FRMD4A: variants seen among roughly 807,000 people sequenced by gnomAD.
The protein encoded by FRMD4A is FERM domain-containing protein 4A.
A neutral mutation model predicts 129.1 loss-of-function variants in FRMD4A; 29 were observed. That is an observed-to-expected ratio of 0.22 (90% confidence interval 0.17 to 0.31). FRMD4A has a LOEUF of 0.31. Ranked by LOEUF, FRMD4A falls within the 10% of genes least tolerant of loss-of-function variation. FRMD4A has a pLI of 1.00. For missense variants in FRMD4A, 1,272 were observed against 1,375.8 expected, an observed-to-expected ratio of 0.92 and a Z score of 1.19; for synonymous variants, 634 against 571.6, an observed-to-expected ratio of 1.11 and a Z score of -1.56.
chr10:13,824,918 AGTAATCAAGAGATGATTT>A (rs2093679394), intron 3 of FRMD4A, among the ~76,000 whole-genome samples: 1 of 148,074 alleles, frequency 6.8e-6, no homozygotes, highest in Non-Finnish European at 1.5e-5. Flanking sequence ...AAAAAAAAAG[AGTAATCAAGAGATGATTT>A]CAAGTATACA....
At chr10:14,235,157 C>CTT (rs11349578) in intron 2 of FRMD4A, among the ~76,000 whole-genome samples, 4 of 149,648 alleles carry the variant, frequency 2.7e-5, no homozygotes, top group Non-Finnish European at 4.4e-5. Flanking sequence ...CCTAAGCTGT[C>CTT]TTTTTTTTTT....
chr10:13,815,184 C>G (rs139787446), intron 3 of FRMD4A, among the ~76,000 whole-genome samples: 252 of 152,290 alleles, frequency 1.7e-3, no homozygotes, highest in Non-Finnish European at 3.2e-3. Context: ...CACAGCCAAG[C>G]TGGGATTCAA....
At chr10:13,883,924 A>G (rs2094574556) in intron 2 of FRMD4A, among the ~76,000 whole-genome samples, 1 of 152,142 alleles carries the variant, frequency 6.6e-6, no homozygotes, top group Non-Finnish European at 1.5e-5. Context: ...TGCCTGTTTA[A>G]TCAGTCTCCA....
chr10:14,281,976 A>G (rs1466409818), intron 2 of FRMD4A, among the ~76,000 whole-genome samples: 2 of 152,174 alleles, frequency 1.3e-5, no homozygotes, highest in East Asian at 3.8e-4. Context: ...GATTTAATGG[A>G]CTCACAGTTA....
At chr10:14,140,390 A>G (rs778293072) in intron 2 of FRMD4A, among the ~76,000 whole-genome samples, 1 of 152,224 alleles carries the variant, frequency 6.6e-6, no homozygotes, top group Non-Finnish European at 1.5e-5. Flanking sequence ...CAAGGATTTC[A>G]GTACCTGCCA....
intron 3 of FRMD4A, among the ~76,000 whole-genome samples, chr10:13,816,438 A>G (rs1278654240): frequency 6.6e-6 from 1 of 152,230 alleles, no homozygotes; most frequent in Non-Finnish European, 1.5e-5. Context: ...TTTAAGTCAC[A>G]GAGACATTGG....
At chr10:13,998,415 AC>A (rs747799692) in intron 2 of FRMD4A, among the ~76,000 whole-genome samples, 27 of 152,312 alleles carry the variant, frequency 1.8e-4, no homozygotes, top group Non-Finnish European at 3.8e-4. Context: ...GCTCCAGTGA[AC>A]CCCTGATAAT....
chr10:14,180,033 CA>C (rs895820098), intron 2 of FRMD4A, among the ~76,000 whole-genome samples: 17 of 151,602 alleles, frequency 1.1e-4, no homozygotes, highest in African/African-American at 3.1e-4. Context: ...AAGAATCCAT[CA>C]AAAAAACAAA....
chr10:13,976,753 A>G (rs1404725390), intron 2 of FRMD4A, among the ~76,000 whole-genome samples: 2 of 152,238 alleles, frequency 1.3e-5, no homozygotes, highest in African/African-American at 4.8e-5. Context: ...TATGTTCAGA[A>G]GTGCAATCTA....
intron 2 of FRMD4A, among the ~76,000 whole-genome samples, chr10:14,013,674 G>A (rs938505710): frequency 2.0e-5 from 3 of 152,152 alleles, no homozygotes; most frequent in Non-Finnish European, 4.4e-5. Flanking sequence ...ACTCATGCCT[G>A]TAATCCCAGC....
In FRMD4A at chr10:14,128,059, T is replaced by C. The variant is rs1180576754; in HGVS notation, c.45+201999A>G. ...TCCTTTCTTTCCCTCTTTCTTTCTT[T>C]CTTTCTTTCTTTCTTTCTTTCTTTC... On this transcript the variant is annotated intron_variant, in intron 2 of 24. Coordinates refer to ENST00000357447, the MANE Select transcript of FRMD4A (RefSeq NM_018027.5). 6.0e-3 allele frequency among the ~76,000 whole-genome samples: 249 copies of C among 41,830 alleles called. 6 individuals carry two copies. The highest frequency in any genetic ancestry group is 0.023 in the African/African-American group (227 of 9,830). 27.4% of individuals were successfully genotyped at this position (41,830 alleles called of 152,430 possible).
intron 2 of FRMD4A, among the ~76,000 whole-genome samples, chr10:14,155,459 A>G (rs187912717): frequency 2.0e-3 from 310 of 152,292 alleles, no homozygotes; most frequent in Non-Finnish European, 3.7e-3. Context: ...AAAAGAAAGG[A>G]ATTAAAACTC....
chr10:14,162,788 A>G (rs1840977574), intron 2 of FRMD4A, among the ~76,000 whole-genome samples: 1 of 152,070 alleles, frequency 6.6e-6, no homozygotes, highest in South Asian at 2.1e-4. Context: ...TGCACAGCAT[A>G]GAGTAAATGT....
At chr10:13,967,792 T>C (rs996621132) in intron 2 of FRMD4A, among the ~76,000 whole-genome samples, 2 of 152,240 alleles carry the variant, frequency 1.3e-5, no homozygotes, top group Admixed American at 6.5e-5. Flanking sequence ...ACAGCTATAA[T>C]GCCAGCACTC....
At chr10:14,243,904 G>A (rs1164424557) in intron 2 of FRMD4A, among the ~76,000 whole-genome samples, 1 of 151,168 alleles carries the variant, frequency 6.6e-6, no homozygotes, top group Non-Finnish European at 1.5e-5. Flanking sequence ...AAGAAGAAAT[G>A]GGCCCTCAGT....
chr10:13,828,438 C>A (rs138421163), intron 3 of FRMD4A, among the ~76,000 whole-genome samples: 1 of 152,178 alleles, frequency 6.6e-6, no homozygotes, highest in African/African-American at 2.4e-5. Context: ...ACTTCCAGTT[C>A]CATCCACGTT....
intron 2 of FRMD4A, among the ~76,000 whole-genome samples, chr10:14,062,441 C>A (rs571561567): frequency 2.6e-4 from 40 of 152,146 alleles, no homozygotes; most frequent in Non-Finnish European, 5.4e-4. Context: ...TAGTCAGGGG[C>A]TTTGTGGCCA....
chr10:13,675,263 C>T (rs1245154866), intron 15 of FRMD4A, among the ~76,000 whole-genome samples: 1 of 152,256 alleles, frequency 6.6e-6, no homozygotes, highest in African/African-American at 2.4e-5. Flanking sequence ...GAAGATGGAC[C>T]CTCCTGAAAA....
chr10:14,220,020 G>A (rs1983907), intron 2 of FRMD4A, among the ~76,000 whole-genome samples: 48,339 of 152,002 alleles, frequency 0.32, 7,793 homozygotes, highest in Admixed American at 0.35. Flanking sequence ...GTGAAGTGAC[G>A]AAGCAGTTTT....
Sources: gnomAD v4.1 joint callset for allele counts (sites outside exome capture counted in the v4.1 genomes callset) on GRCh38, gnomAD v4.1.1 for gene constraint, MANE v1.5 for transcripts, NCBI Gene and HGNC (gene_info 2026-07-23, HGNC 2026-07-21) for gene names.